Variants in HTRA4 observed in about 807,000 individuals in gnomAD.
HTRA4 encodes serine protease HTRA4.
HTRA4 carries 46 observed loss-of-function variants against 49.1 expected under a neutral mutation model. That is an observed-to-expected ratio of 0.94 (90% CI 0.74 to 1.20). The LOEUF is 1.20. HTRA4 is among the 50% of genes most tolerant of loss of function. The pLI is 0.00. For missense variants in HTRA4, 602 were observed against 636.9 expected (o/e 0.95, Z 0.59); for synonymous variants, 261 against 264.0 (o/e 0.99, Z 0.11).
chr8:38,976,571 T>C lies in HTRA4; in HGVS notation c.603T>C (p.Ser201=). Residue 201 remains serine (S), a synonymous_variant, in exon 3 of 9, where the codon AGT becomes AGC. Transcript: ENST00000302495. ...GCAGCAGGCTTGTTCCTGTGTACAG[T>C]GGCTCTGGGTTCATAGTGTCTGAGG... ...LHGSRLVPVY[S]GSGFIVSEDG... 1 of 1,614,156 alleles carries C rather than the reference T, an allele frequency of 6.2e-7. No individual in the cohort carries two copies. The highest frequency in any genetic ancestry group is 1.1e-5 in the South Asian group (1 of 91,076).
chr8:38,975,826 G>A (rs1409593912), intron 2 of HTRA4, among the ~76,000 whole-genome samples: 3 of 152,188 alleles, frequency 2.0e-5, no homozygotes, highest in Non-Finnish European at 4.4e-5. Context: ...GTTGGCGGTG[G>A]AAACTAAGCC....
At chr8:38,982,467 T>C (rs1293704092) in intron 6 of HTRA4, 31 bp from the exon 7 acceptor site, 30 of 1,598,770 alleles carry the variant, frequency 1.9e-5, no homozygotes, top group Non-Finnish European at 2.4e-5. Context: ...AAAGAGGTTT[T>C]GTTGTAACAC....
chr8:38,976,528 G>A lies in HTRA4; in HGVS notation c.567-7G>A. 2 of 1,613,346 alleles carry A rather than the reference G, an allele frequency of 1.2e-6. No homozygotes were observed. The highest frequency in any genetic ancestry group is 1.7e-6 in the Non-Finnish European group (2 of 1,179,986). Reference sequence around the variant, plus strand: ...CCTCTGTTTACACTATTGTCTTGTGGAGACAGGTTACTTCACGGCAGCAGG... The same window carrying A: ...CCTCTGTTTACACTATTGTCTTGTGAAGACAGGTTACTTCACGGCAGCAGG... On this transcript the variant is annotated splice_region_variant and splice_polypyrimidine_tract_variant and intron_variant, in intron 2 of 8. Transcript: ENST00000302495.
intron 8 of HTRA4, among the ~76,000 whole-genome samples, chr8:38,985,411 G>A (rs1419686070): frequency 6.6e-6 from 1 of 152,074 alleles, no homozygotes; most frequent in Non-Finnish European, 1.5e-5. Flanking sequence ...CGCCTGCCTC[G>A]GGCTCCCAAA....
chr8:38,986,546 G>C (rs1835484692), intron 8 of HTRA4, among the ~76,000 whole-genome samples: 1 of 152,228 alleles, frequency 6.6e-6, no homozygotes, highest in South Asian at 2.1e-4. Context: ...TGGGATTACA[G>C]TGTGAGCCAC....
chr8:38,976,821 C>T, intron 3 of HTRA4, 82 bp downstream of exon 3: 1 of 1,252,874 alleles, frequency 8.0e-7, no homozygotes, highest in Non-Finnish European at 1.1e-6. Context: ...CCACTACACT[C>T]TCACACCACA....
chr8:38,985,161 CTTTTTTTT>C (rs773305917), intron 8 of HTRA4, among the ~76,000 whole-genome samples: 2 of 130,706 alleles, frequency 1.5e-5, no homozygotes, highest in Non-Finnish European at 3.2e-5. Context: ...TGTTGTACTT[CTTTTTTTT>C]TTTTTTTTTT....
At position 38,975,690 on chromosome 8, in the gene HTRA4, T is replaced by C. The variant is rs528038288; in HGVS notation, c.566+560T>C. ...TCCCGACGTGCTGGGATTACGGGTGTAGCCACCACATCCAGCTTAGTAGGC... is the reference window on the plus strand; with the variant it reads ...TCCCGACGTGCTGGGATTACGGGTGCAGCCACCACATCCAGCTTAGTAGGC... On this transcript the variant is annotated intron_variant, in intron 2 of 8. Coordinates refer to ENST00000302495, the MANE Select transcript of HTRA4 (RefSeq NM_153692.4). Among the ~76,000 whole-genome samples, 420 of 152,308 alleles carry C rather than the reference T, an allele frequency of 2.8e-3. 1 individual carries two copies. Among genetic ancestry groups the C allele is most frequent in the Non-Finnish European group, 3.0e-3 (206 of 68,012 alleles).
chr8:38,978,071 C>T lies in HTRA4; in HGVS notation c.890C>T (p.Thr297Ile). The change falls in exon 4 of 9, where the codon ACC becomes ATC. Residue 297 changes from threonine (T) to isoleucine (I), a missense_variant. Coordinates refer to ENST00000302495, the MANE Select transcript of HTRA4 (RefSeq NM_153692.4). Reference sequence around the variant, plus strand: ...ACAGCTACTGCAGGAATTGTCAGCACCAAACAGCGAGGGGGCAAAGAACTG... The same window carrying T: ...ACAGCTACTGCAGGAATTGTCAGCATCAAACAGCGAGGGGGCAAAGAACTG... Reference protein sequence around the residue: ...QNTATAGIVSTKQRGGKELGM... With the variant: ...QNTATAGIVSIKQRGGKELGM... The T allele has an allele frequency of 1.9e-6, 3 of 1,614,046 alleles. No homozygotes were observed. Among genetic ancestry groups the T allele is most frequent in the Non-Finnish European group, 2.5e-6 (3 of 1,179,990 alleles).
chr8:38,986,723 C>T (rs775229278), intron 8 of HTRA4, among the ~76,000 whole-genome samples: 1 of 152,304 alleles, frequency 6.6e-6, no homozygotes, highest in Middle Eastern at 3.4e-3. Context: ...CCTGGCTGAA[C>T]CCTTCTATTA....
In HTRA4 at chr8:38,978,164, A is replaced by G. The variant is rs1162869573; in HGVS notation, c.966+17A>G. ...ACAATTAATGTAAGTCACTTAGGAC[A>G]GAGGTGCCCAACCCATGGGCTGTGG... On this transcript the variant is annotated intron_variant, in intron 4 of 8. Coordinates refer to ENST00000302495, the MANE Select transcript of HTRA4 (RefSeq NM_153692.4). 1.9e-6 allele frequency: 3 copies of G among 1,601,158 alleles called. No individual in the cohort carries two copies. In the African/African-American group the frequency reaches 4.0e-5, roughly 21 times the overall value.
rs1212909062 is a variant in HTRA4 at position 38,975,996 on chromosome 8, A to T, written c.567-539A>T. 3.3e-5 allele frequency among the ~76,000 whole-genome samples: 5 copies of T among 152,228 alleles called. No individual in the cohort carries two copies. In the East Asian group the frequency reaches 9.6e-4, roughly 29 times the overall value. ...TCTGAAGAAGCAGTGTCCCTGGAAA[A>T]GGAGAGCTGGACCCCACTCTCAACC... On this transcript the variant is annotated intron_variant, in intron 2 of 8. Transcript: ENST00000302495.
Position 38,976,693 on chromosome 8 carries a change from A to T in HTRA4, c.725A>T (p.Asp242Val). Residue 242 changes from aspartate (D) to valine (V), a missense_variant, in exon 3 of 9, where the codon GAT becomes GTT. By Grantham distance (152) the Asp-to-Val change is radical (BLOSUM62 -3). Transcript: ENST00000302495. ...NGARYEAVVK[D>V]IDLKLDLAVI... ...GCCCGTTATGAAGCTGTTGTCAAGG[A>T]TATTGACCTTAAATTGGATCTTGCG... The T allele has an allele frequency of 4.3e-6, 7 of 1,614,154 alleles. No homozygotes were observed. Among genetic ancestry groups the T allele is most frequent in the Non-Finnish European group, 5.9e-6 (7 of 1,180,040 alleles).
intron 8 of HTRA4, among the ~76,000 whole-genome samples, chr8:38,984,484 C>T (rs1249273521): frequency 6.6e-6 from 1 of 151,734 alleles, no homozygotes; most frequent in Non-Finnish European, 1.5e-5. Context: ...CCGTGACTCA[C>T]GCCTGTAATC....
chr8:38,974,595 TG>T lies in HTRA4; in HGVS notation c.335del (p.Gly112GlufsTer95). 7.0e-7 allele frequency: 1 copy of T among 1,425,914 alleles called. No individual in the cohort carries two copies. The highest frequency in any genetic ancestry group is 1.5e-5 in the South Asian group (1 of 68,846). The allele number at this position is 1,425,914 out of a possible 1,614,324, so 88.3% of individuals were successfully genotyped here. On this transcript the variant is annotated frameshift_variant, in exon 1 of 9. Coordinates refer to ENST00000302495, the MANE Select transcript of HTRA4 (RefSeq NM_153692.4). LOFTEE classifies it high-confidence loss of function. ...GFPSTCGCPT[L>X]GGAVCGSDRR... ...CCCAGCACCTGCGGTTGCCCGACGC[TG>T]GGAGGGGCCGTGTGCGGCAGCGACA...
chr8:38,974,974 T>A lies in HTRA4; in HGVS notation c.467-57T>A, dbSNP rs1835327782. The A allele has an allele frequency of 1.9e-6, 3 of 1,588,642 alleles. No individual in the cohort carries two copies. In the Admixed American group the frequency reaches 5.0e-5, roughly 27 times the overall value. On this transcript the variant is annotated intron_variant, in intron 1 of 8. Coordinates refer to ENST00000302495, the MANE Select transcript of HTRA4 (RefSeq NM_153692.4). ...GTCTTGCCTTTAACATTTTTCCAAC[T>A]AGGATAGCAGGTCTGGTTCCCTCGA...
chr8:38,984,428 C>G (rs1473815162), intron 8 of HTRA4, among the ~76,000 whole-genome samples: 2 of 151,366 alleles, frequency 1.3e-5, no homozygotes. Context: ...GCCTGGGGAA[C>G]ACGGTGAAAC....
chr8:38,986,597 G>A (rs1386942810), intron 8 of HTRA4, among the ~76,000 whole-genome samples: 1 of 152,156 alleles, frequency 6.6e-6, no homozygotes, highest in Non-Finnish European at 1.5e-5. Flanking sequence ...ACCTGTTTGT[G>A]CTCCCAACAT....
At position 38,974,654 on chromosome 8, in the gene HTRA4, G is replaced by A. The variant is rs62504412; in HGVS notation, c.391G>A (p.Ala131Thr). The change falls in exon 1 of 9, where the codon GCC becomes ACC. Residue 131 changes from alanine to threonine, a missense_variant. Physicochemically the swap from Ala to Thr is moderately conservative, Grantham distance 58. Coordinates refer to ENST00000302495, the MANE Select transcript of HTRA4 (RefSeq NM_153692.4). Reference sequence around the variant, plus strand: ...CTACCCCAGCATGTGCGCGCTCCGGGCCGAAAACCGCGCCGCGCGCCGCCT... The same window carrying A: ...CTACCCCAGCATGTGCGCGCTCCGGACCGAAAACCGCGCCGCGCGCCGCCT... ...RTYPSMCALRAENRAARRLGK... is the reference protein window; with the variant it reads ...RTYPSMCALRTENRAARRLGK... 4.0e-4 allele frequency: 556 copies of A among 1,402,484 alleles called. 1 individual carries two copies. The highest frequency in any genetic ancestry group is 4.8e-4 in the Non-Finnish European group (523 of 1,087,968). 86.9% of individuals were successfully genotyped at this position (1,402,484 alleles called of 1,614,324 possible). A position where few individuals can be genotyped will look rare whatever the true frequency, so the allele number is the denominator to read the frequency against.
Sources: gnomAD v4.1 joint callset for allele counts (sites outside exome capture counted in the v4.1 genomes callset) on GRCh38, gnomAD v4.1.1 for gene constraint, MANE v1.5 for transcripts, NCBI Gene and HGNC (gene_info 2026-07-23, HGNC 2026-07-21) for gene names.